TNS4: variants seen among roughly 807,000 people sequenced by gnomAD.
The protein encoded by TNS4 is tensin 4.
Under a neutral mutation model 70.4 loss-of-function variants are expected in TNS4, and 46 were observed. That is an observed-to-expected ratio of 0.65 (90% confidence interval 0.52 to 0.84). The LOEUF (loss-of-function observed/expected upper bound fraction) is 0.84. Among genes scored for constraint, TNS4 ranks in the 40% least tolerant of loss-of-function variants. The pLI, the probability that TNS4 is intolerant of heterozygous loss-of-function variation, is 0.00. For synonymous variants in TNS4, 390 were observed against 366.6 expected, an observed-to-expected ratio of 1.06 and a Z score of -0.73; for missense variants, 863 against 907.0, an observed-to-expected ratio of 0.95 and a Z score of 0.62.
intron 8 of TNS4, 28 bp from the exon 9 acceptor site, chr17:40,480,796 C>T: frequency 1.3e-6 from 2 of 1,597,672 alleles, no homozygotes; most frequent in South Asian, 1.1e-5. Flanking sequence ...AACAGGCCCC[C>T]CAAAGGGGCG....
At chr17:40,492,491 C>T (rs974431881) in intron 2 of TNS4, among the ~76,000 whole-genome samples, 6 of 152,156 alleles carry the variant, frequency 3.9e-5, no homozygotes, top group Non-Finnish European at 7.4e-5. Context: ...ACCTCAGCCT[C>T]CCAATAGTTG....
chr17:40,501,014 T>A (rs932877332), intron 1 of TNS4, among the ~76,000 whole-genome samples: 2 of 152,166 alleles, frequency 1.3e-5, no homozygotes, highest in African/African-American at 4.8e-5. Context: ...CTCTCATCTA[T>A]TTGCCGAGGG....
At chr17:40,482,235 G>A (rs1489746659) in intron 7 of TNS4, 29 bp from the exon 8 acceptor site, 1 of 1,614,078 alleles carries the variant, frequency 6.2e-7, no homozygotes, top group Non-Finnish European at 8.5e-7. Flanking sequence ...CCCTGCATGA[G>A]TAGAGCTTCC....
intron 6 of TNS4, among the ~76,000 whole-genome samples, chr17:40,483,858 G>T (rs998141143): frequency 2.0e-5 from 3 of 152,154 alleles, no homozygotes; most frequent in African/African-American, 7.2e-5. Context: ...AAATAAGAAG[G>T]TGCAATCCTG....
rs1908822239 is a variant in TNS4, at chr17:40,496,237, A to T, written c.189T>A (p.Pro63=). The change falls in exon 2 of 13, where the codon CCT becomes CCA. Residue 63 remains proline, a synonymous_variant. Transcript: ENST00000254051. ...CCTGTGGGGCTTGCTGGAGTCGGCCAGGGGGCCCCATGCAGGGCACGGGGG... is the reference window on the plus strand; with the variant it reads ...CCTGTGGGGCTTGCTGGAGTCGGCCTGGGGGCCCCATGCAGGGCACGGGGG... ...LMAPVPCMGP[P]GRLQQAPQVE... 6.3e-7 allele frequency: 1 copy of T among 1,594,658 alleles called. No individual in the cohort carries two copies. Among genetic ancestry groups the T allele is most frequent in the Admixed American group, 1.8e-5 (1 of 56,664 alleles).
rs2035855260 is a variant in TNS4 at position 40,476,884 on chromosome 17, A to G, written c.*704T>C. On this transcript the variant is annotated 3_prime_UTR_variant, in exon 13 of 13. Coordinates refer to ENST00000254051, the MANE Select transcript of TNS4 (RefSeq NM_032865.6). ...TCAAAAAAAAATAAAAATAAAAACC[A>G]AGTGGAAAGAAAAGATGGGGTGATA... The G allele has an allele frequency of 6.6e-6, 1 of 152,216 alleles. No individual in the cohort carries two copies. Among genetic ancestry groups the G allele is most frequent in the Non-Finnish European group, 1.5e-5 (1 of 68,126 alleles). The allele number at this position is 152,216 out of a possible 1,614,324, so 9.4% of individuals were successfully genotyped here. A position where few individuals can be genotyped will look rare whatever the true frequency, so the allele number is the denominator to read the frequency against.
Position 40,486,947 on chromosome 17 carries a change from A to C in TNS4, c.1288+89T>G, listed in dbSNP as rs1411713044. On this transcript the variant is annotated intron_variant, in intron 4 of 12. Transcript: ENST00000254051. ...CCAGACACACAATAGTTGCTCAATA[A>C]ATGTGTTGACTGGCTGTTGCAGAAA... 6.0e-6 allele frequency: 9 copies of C among 1,504,718 alleles called. No homozygotes were observed. In the East Asian group the frequency reaches 1.8e-4, roughly 30 times the overall value. The allele number at this position is 1,504,718 out of a possible 1,614,324, so 93.2% of individuals were successfully genotyped here.
chr17:40,479,443 G>A (rs993074434), intron 10 of TNS4, among the ~76,000 whole-genome samples: 3 of 152,166 alleles, frequency 2.0e-5, no homozygotes, highest in Admixed American at 1.3e-4. Flanking sequence ...CACCGTGCCC[G>A]GCCCCCGTTA....
chr17:40,492,847 C>T (rs1460374966), intron 2 of TNS4, among the ~76,000 whole-genome samples: 2 of 151,938 alleles, frequency 1.3e-5, no homozygotes, highest in African/African-American at 4.8e-5. Flanking sequence ...GAGTTCAAGA[C>T]CAGCCTGGCC....
At chr17:40,487,798 C>A (rs1020583982) in intron 3 of TNS4, among the ~76,000 whole-genome samples, 3 of 152,224 alleles carry the variant, frequency 2.0e-5, no homozygotes, top group Non-Finnish European at 4.4e-5. Context: ...CCTTCAGGCC[C>A]CCATGACTCC....
chr17:40,485,348 A>C (rs2143797862), intron 4 of TNS4, among the ~76,000 whole-genome samples: 1 of 152,380 alleles, frequency 6.6e-6, no homozygotes, highest in Admixed American at 6.5e-5. Flanking sequence ...TAAACAAGGA[A>C]TTCTCAAATG....
intron 11 of TNS4, 68 bp downstream of exon 11, chr17:40,478,512 G>C: frequency 6.3e-7 from 1 of 1,595,376 alleles, no homozygotes. Flanking sequence ...GCCCAGAGTC[G>C]GCAGGACGCC....
At chr17:40,478,255 T>G in intron 12 of TNS4, 52 bp downstream of exon 12, 5 of 1,611,668 alleles carry the variant, frequency 3.1e-6, no homozygotes, top group Non-Finnish European at 4.2e-6. Flanking sequence ...TCTTTCCTTC[T>G]GCAGTTCCCT....
chr17:40,487,268 T>C lies in TNS4; in HGVS notation c.1056A>G (p.Pro352=), dbSNP rs2036002187. 1.9e-6 allele frequency: 3 copies of C among 1,614,044 alleles called. No individual in the cohort carries two copies. Among genetic ancestry groups the C allele is most frequent in the Non-Finnish European group, 2.5e-6 (3 of 1,179,980 alleles). Residue 352 remains proline, a synonymous_variant, in exon 4 of 13, where the codon CCA becomes CCG. Coordinates refer to ENST00000254051, the MANE Select transcript of TNS4 (RefSeq NM_032865.6). ...AGCTGCTGGCATGTTCTTTGGCCAG[T>C]GGTGGAGAGTGGGGTGTTCTGGGTT... The part of the protein sequence containing the change: ...MGQPRTPHSP[P]LAKEHASSCP...
chr17:40,492,904 G>A (rs548365114), intron 2 of TNS4, among the ~76,000 whole-genome samples: 2 of 152,198 alleles, frequency 1.3e-5, no homozygotes, highest in East Asian at 1.9e-4. Context: ...AAAATTAGCT[G>A]GGCATAGTGG....
Position 40,485,070 on chromosome 17 carries a change from C to T in TNS4, c.1289-63G>A. On this transcript the variant is annotated intron_variant, in intron 4 of 12. Transcript: ENST00000254051. ...ACAGACGGGAGCTGAGGGATGTTCACCAGAGAAGGCTGGAGACCCTTCCCT... is the reference window on the plus strand; with the variant it reads ...ACAGACGGGAGCTGAGGGATGTTCATCAGAGAAGGCTGGAGACCCTTCCCT... 2.8e-6 allele frequency: 4 copies of T among 1,449,462 alleles called. No individual in the cohort carries two copies. The Admixed American group carries it at 6.8e-5, about 25-fold the overall frequency. 89.8% of individuals were successfully genotyped at this position (1,449,462 alleles called of 1,614,324 possible).
At chr17:40,501,329 C>G (rs1208160053) in intron 1 of TNS4, among the ~76,000 whole-genome samples, 1 of 150,082 alleles carries the variant, frequency 6.7e-6, no homozygotes, top group Non-Finnish European at 1.5e-5. Context: ...CATCTGTAAT[C>G]CCTGTTACTT....
At chr17:40,478,677 C>G (rs749906) in intron 10 of TNS4, 29 bp from the exon 11 acceptor site, 12 of 1,610,756 alleles carry the variant, frequency 7.4e-6, no homozygotes, top group African/African-American at 1.3e-5. Flanking sequence ...AGAAGGGAAG[C>G]GATGACAGCC....
chr17:40,494,886 G>A (rs1248667476), intron 2 of TNS4, among the ~76,000 whole-genome samples: 1 of 152,090 alleles, frequency 6.6e-6, no homozygotes, highest in Non-Finnish European at 1.5e-5. Context: ...CTTCACCCTT[G>A]CTGGTAGTTT....
Sources: gnomAD v4.1 joint callset for allele counts (sites outside exome capture counted in the v4.1 genomes callset) on GRCh38, gnomAD v4.1.1 for gene constraint, MANE v1.5 for transcripts, NCBI Gene and HGNC (gene_info 2026-07-23, HGNC 2026-07-21) for gene names.